The following GPT2 variants were observed in gnomAD, a reference collection of about 807,000 sequenced individuals.
The protein encoded by GPT2 is glutamic--pyruvic transaminase 2.
GPT2 carries 30 observed loss-of-function variants against 56.9 expected under a neutral mutation model. The observed-to-expected ratio is 0.53, with a 90% confidence interval of 0.39 to 0.72. GPT2 has a LOEUF of 0.72. Among genes scored for constraint, GPT2 ranks in the 30% least tolerant of loss-of-function variants. GPT2 has a pLI of 0.00. For synonymous variants in GPT2, 271 were observed against 283.1 expected (o/e 0.96, Z 0.43); for missense variants, 542 against 703.4 (o/e 0.77, Z 2.60).
At chr16:46,914,844 A>G (rs1433310805) in intron 6 of GPT2, among the ~76,000 whole-genome samples, 5 of 152,100 alleles carry the variant, frequency 3.3e-5, no homozygotes, top group Admixed American at 6.6e-5. Context: ...TCTCTTCACC[A>G]TCTGCTGCTG....
intron 5 of GPT2, among the ~76,000 whole-genome samples, chr16:46,907,870 G>T (rs1015651674): frequency 1.3e-5 from 2 of 152,230 alleles, no homozygotes; most frequent in African/African-American, 4.8e-5. Context: ...CGATGGGGTC[G>T]GGGAGGGCTG....
chr16:46,902,617 C>T (rs1461551199), intron 4 of GPT2, among the ~76,000 whole-genome samples: 1 of 152,074 alleles, frequency 6.6e-6, no homozygotes, highest in Non-Finnish European at 1.5e-5. Flanking sequence ...TCTTGAAGCT[C>T]ATCCAGAGAT....
At chr16:46,901,744 G>A (rs573571359) in intron 4 of GPT2, among the ~76,000 whole-genome samples, 26 of 151,800 alleles carry the variant, frequency 1.7e-4, no homozygotes, top group Admixed American at 3.9e-4. Flanking sequence ...CCTTATTGAC[G>A]GCCCTGTGCT....
At chr16:46,905,114 TG>T (rs972946939) in intron 4 of GPT2, among the ~76,000 whole-genome samples, 6 of 151,206 alleles carry the variant, frequency 4.0e-5, no homozygotes, top group African/African-American at 1.5e-4. Context: ...TGGAGTACAG[TG>T]GCGCAATCTT....
At chr16:46,925,292 G>A (rs1961384251) in intron 10 of GPT2, among the ~76,000 whole-genome samples, 1 of 151,984 alleles carries the variant, frequency 6.6e-6, no homozygotes, top group Non-Finnish European at 1.5e-5. Context: ...TGCGATCGTG[G>A]CTCACTGCAA....
intron 6 of GPT2, among the ~76,000 whole-genome samples, chr16:46,911,370 GT>G (rs1464587712): frequency 6.6e-6 from 1 of 152,122 alleles, no homozygotes; most frequent in Non-Finnish European, 1.5e-5. Context: ...TGTGGAATCT[GT>G]TTCTCGGGAA....
chr16:46,927,917 G>A (rs1180247111), intron 11 of GPT2, among the ~76,000 whole-genome samples: 2 of 152,130 alleles, frequency 1.3e-5, no homozygotes, highest in Admixed American at 1.3e-4. Context: ...GCAGAGTTGT[G>A]ACTGGAGGGT....
chr16:46,928,374 C>T (rs1567345410), intron 11 of GPT2, among the ~76,000 whole-genome samples: 1 of 151,522 alleles, frequency 6.6e-6, no homozygotes, highest in Non-Finnish European at 1.5e-5. Context: ...CCTGTAATCC[C>T]AGCACTTTGG....
intron 9 of GPT2, among the ~76,000 whole-genome samples, chr16:46,923,237 G>GGATCA (rs1961333241): frequency 1.3e-5 from 2 of 152,218 alleles, no homozygotes; most frequent in South Asian, 4.1e-4. Flanking sequence ...TGTGGCAGGC[G>GGATCA]GATCACCTGA....
Position 46,922,230 on chromosome 16 carries a change from T to C in GPT2, c.1038-12T>C. 6.2e-7 allele frequency: 1 copy of C among 1,612,674 alleles called. No individual in the cohort carries two copies. The highest frequency in any genetic ancestry group is 8.5e-7 in the Non-Finnish European group (1 of 1,179,540). ...ATAACTGGTGGTCCTCTCCCTCTCT[T>C]TGGCCCTCCAGGTGTGGTTACAGAG... On this transcript the variant is annotated splice_polypyrimidine_tract_variant and intron_variant, in intron 8 of 11. Transcript: ENST00000340124.
At chr16:46,894,392 G>C (rs890839708) in intron 2 of GPT2, among the ~76,000 whole-genome samples, 2 of 152,254 alleles carry the variant, frequency 1.3e-5, no homozygotes, top group African/African-American at 2.4e-5. Flanking sequence ...CAGCGAGCTA[G>C]ACCTGGGGTC....
intron 4 of GPT2, among the ~76,000 whole-genome samples, chr16:46,904,473 G>T (rs1038863659): frequency 7.9e-5 from 12 of 152,204 alleles, no homozygotes; most frequent in African/African-American, 2.9e-4. Context: ...TTGGCTGGAG[G>T]TGGAGCAGAA....
At chr16:46,891,972 C>T (rs1258997778) in intron 2 of GPT2, among the ~76,000 whole-genome samples, 3 of 148,524 alleles carry the variant, frequency 2.0e-5, no homozygotes, top group Non-Finnish European at 3.0e-5. Flanking sequence ...TTCACGAGTT[C>T]AGTTTTTAAA....
chr16:46,898,992 A>AAC lies in GPT2; in HGVS notation c.333+1261_333+1262dup, dbSNP rs1555484808. ...CACACACACATATATATATATATAT[A>AAC]ACACACATATATATATATATATATA... On this transcript the variant is annotated intron_variant, in intron 3 of 11. Transcript: ENST00000340124. Among the ~76,000 whole-genome samples the AAC allele has an allele frequency of 2.5e-3, 157 of 62,330 alleles. 3 individuals carry two copies. The highest frequency in any genetic ancestry group is 7.5e-3 in the African/African-American group (153 of 20,490). 40.9% of individuals were successfully genotyped at this position (62,330 alleles called of 152,430 possible). A position where few individuals can be genotyped will look rare whatever the true frequency, so the allele number is the denominator to read the frequency against.
At chr16:46,912,547 A>G (rs1032317184) in intron 6 of GPT2, among the ~76,000 whole-genome samples, 5 of 152,180 alleles carry the variant, frequency 3.3e-5, no homozygotes, top group Non-Finnish European at 5.9e-5. Flanking sequence ...GTATTAGGCC[A>G]TTCTTGCATT....
At chr16:46,905,005 A>G (rs1218809313) in intron 4 of GPT2, among the ~76,000 whole-genome samples, 1 of 151,098 alleles carries the variant, frequency 6.6e-6, no homozygotes, top group Non-Finnish European at 1.5e-5. Flanking sequence ...AGCTGTGCAG[A>G]GCCCAATGCT....
intron 4 of GPT2, among the ~76,000 whole-genome samples, chr16:46,901,728 T>A (rs1960821167): frequency 6.6e-6 from 1 of 151,916 alleles, no homozygotes; most frequent in Non-Finnish European, 1.5e-5. Flanking sequence ...CTTTTTCTGC[T>A]CCGTCCCTTA....
rs1414575053 is a variant in GPT2, at chr16:46,921,209, C to T, written c.1038-1033C>T. ...TTTGAGATGTAATCTCGCTCTGGAG[C>T]CCAGGCTGGAGTGCAGAGGCGCGAT... On this transcript the variant is annotated intron_variant, in intron 8 of 11. Coordinates refer to ENST00000340124, the MANE Select transcript of GPT2 (RefSeq NM_133443.4). Among the ~76,000 whole-genome samples the T allele has an allele frequency of 2.6e-5, 4 of 152,258 alleles. No individual in the cohort carries two copies. In the East Asian group the frequency reaches 5.8e-4, roughly 22 times the overall value.
intron 10 of GPT2, among the ~76,000 whole-genome samples, 193 bp from the exon 11 acceptor site, chr16:46,926,732 G>T (rs1961422461): frequency 6.6e-6 from 1 of 152,260 alleles, no homozygotes; most frequent in African/African-American, 2.4e-5. Flanking sequence ...TCCTGCAGTA[G>T]TTTTCAGGTG....
Sources: allele counts gnomAD v4.1 joint callset (sites outside exome capture counted in the v4.1 genomes callset), GRCh38; gene constraint gnomAD v4.1.1; transcripts MANE v1.5; gene names NCBI Gene and HGNC (gene_info 2026-07-23, HGNC 2026-07-21).